The following GNB4 variants were observed in gnomAD, a reference collection of about 807,000 sequenced individuals.
The protein encoded by GNB4 is guanine nucleotide-binding protein subunit beta-4.
Under a neutral mutation model 45.2 loss-of-function variants are expected in GNB4, and 28 were observed. The ratio of observed to expected loss-of-function variants is 0.62; its 90% CI spans 0.46 to 0.85. The LOEUF (loss-of-function observed/expected upper bound fraction) is 0.85. Ranked by LOEUF, GNB4 falls within the 40% of genes least tolerant of loss-of-function variation. GNB4 has a pLI of 0.00. For synonymous variants in GNB4, 132 were observed against 143.7 expected (o/e 0.92, Z 0.58); for missense variants, 321 against 425.4 (o/e 0.75, Z 2.16).
At chr3:179,527,453 A>G in the GNB4 span, among the ~76,000 whole-genome samples, 2 of 152,196 alleles carry the variant, frequency 1.3e-5, no homozygotes, top group South Asian at 4.1e-4. Context: ...CTTAAATAAT[A>G]ATGATATTTA....
In GNB4 at chr3:179,431,973, A is replaced by G. The variant is rs376708142; in HGVS notation, c.-42-5731T>C. ...GCCCAAGTCCCTCCCTTAAAAAGAA[A>G]AAGAAAAAAGAAAAAATTCCTTGAC... On this transcript the variant is annotated intron_variant, in intron 1 of 9. Coordinates refer to ENST00000232564, the MANE Select transcript of GNB4 (RefSeq NM_021629.4). Among the ~76,000 whole-genome samples the G allele has an allele frequency of 6.6e-5, 10 of 152,346 alleles. No homozygotes were observed. In the East Asian group the frequency reaches 1.5e-3, roughly 23 times the overall value.
the GNB4 span, among the ~76,000 whole-genome samples, chr3:179,519,211 G>A: frequency 1.3e-5 from 2 of 152,236 alleles, no homozygotes; most frequent in South Asian, 2.1e-4. Flanking sequence ...TGTGCCATCT[G>A]TGTGGGACCC....
the GNB4 span, among the ~76,000 whole-genome samples, chr3:179,511,574 T>TA: frequency 6.6e-6 from 1 of 152,330 alleles, no homozygotes; most frequent in South Asian, 2.1e-4. Flanking sequence ...CTCTACCACT[T>TA]ACTGACTCAG....
the GNB4 span, among the ~76,000 whole-genome samples, chr3:179,516,403 T>A: frequency 6.6e-6 from 1 of 152,008 alleles, no homozygotes. Flanking sequence ...ACCCATCCAG[T>A]GAAAGTGTCT....
chr3:179,437,402 T>C (rs1715481151), intron 1 of GNB4, among the ~76,000 whole-genome samples: 1 of 150,612 alleles, frequency 6.6e-6, no homozygotes, highest in African/African-American at 2.4e-5. Context: ...CCATCTCTAC[T>C]AAAAATACAA....
intron 2 of GNB4, 73 bp downstream of exon 2, chr3:179,426,071 T>G (rs1304143893): frequency 8.4e-7 from 1 of 1,195,312 alleles, no homozygotes; most frequent in African/African-American, 1.5e-5. Flanking sequence ...TATAGACTGA[T>G]AAACTAATAG....
At chr3:179,471,313 T>C in the GNB4 span, among the ~76,000 whole-genome samples, 111,535 of 152,140 alleles carry the variant, frequency 0.73, 41,310 homozygotes, top group East Asian at 0.98. Flanking sequence ...TGTCCTAGGC[T>C]TTCACATTCA....
At chr3:179,495,649 GGGAA>G in the GNB4 span, among the ~76,000 whole-genome samples, 42 of 150,570 alleles carry the variant, frequency 2.8e-4, no homozygotes, top group South Asian at 8.4e-4. Flanking sequence ...CAGGGAGGGA[GGGAA>G]GGAAGGAAGG....
chr3:179,520,206 G>A, the GNB4 span, among the ~76,000 whole-genome samples: 2,131 of 139,874 alleles, frequency 0.015, 78 homozygotes, highest in Non-Finnish European at 0.022. Flanking sequence ...CAAATCACCT[G>A]GGCTGTACTG....
intron 2 of GNB4, among the ~76,000 whole-genome samples, chr3:179,421,589 G>A (rs1270608999): frequency 1.3e-5 from 2 of 152,156 alleles, no homozygotes; most frequent in Non-Finnish European, 2.9e-5. Context: ...CAGTGTTTAA[G>A]TACTTGCATA....
chr3:179,485,727 G>T, the GNB4 span, among the ~76,000 whole-genome samples: 6 of 151,560 alleles, frequency 4.0e-5, no homozygotes, highest in Non-Finnish European at 5.9e-5. Context: ...GCTTACTTGA[G>T]CTCAGGAGTT....
chr3:179,461,709 A>G, the GNB4 span, among the ~76,000 whole-genome samples: 4 of 152,200 alleles, frequency 2.6e-5, no homozygotes, highest in Non-Finnish European at 2.9e-5. Flanking sequence ...ACTAAAAACA[A>G]ATTTTTTTTT....
chr3:179,438,071 CA>C (rs112229065), intron 1 of GNB4, among the ~76,000 whole-genome samples: 13 of 149,820 alleles, frequency 8.7e-5, no homozygotes, highest in African/African-American at 3.2e-4. Context: ...GACCTCATCT[CA>C]AAAAAAAAGA....
intron 1 of GNB4, among the ~76,000 whole-genome samples, chr3:179,430,951 G>GT (rs1715294012): frequency 6.6e-6 from 1 of 151,814 alleles, no homozygotes; most frequent in African/African-American, 2.4e-5. Flanking sequence ...TTTATCTTTT[G>GT]TTTTTGCTGA....
the GNB4 span, among the ~76,000 whole-genome samples, chr3:179,483,053 A>G: frequency 1.3e-5 from 2 of 152,184 alleles, no homozygotes; most frequent in Admixed American, 1.3e-4. Flanking sequence ...CTCATATGTA[A>G]GAAGTCGTAG....
the GNB4 span, among the ~76,000 whole-genome samples, chr3:179,472,040 C>T: frequency 1.3e-5 from 2 of 151,970 alleles, no homozygotes; most frequent in East Asian, 3.9e-4. Flanking sequence ...GATATAGCCA[C>T]ATAATAGAGG....
chr3:179,433,833 G>C (rs1715374002), intron 1 of GNB4, among the ~76,000 whole-genome samples: 1 of 152,080 alleles, frequency 6.6e-6, no homozygotes, highest in Admixed American at 6.6e-5. Flanking sequence ...AATCCAACAG[G>C]AAAATGTGCA....
the GNB4 span, among the ~76,000 whole-genome samples, chr3:179,497,695 G>A: frequency 1.7e-5 from 2 of 114,810 alleles, no homozygotes; most frequent in Admixed American, 1.6e-4. Flanking sequence ...CAACTCAGTA[G>A]TTTAAAAAAA....
At chr3:179,470,712 T>C in the GNB4 span, among the ~76,000 whole-genome samples, 3 of 151,816 alleles carry the variant, frequency 2.0e-5, no homozygotes, top group African/African-American at 4.8e-5. Context: ...TCCAGCTAAT[T>C]TTTTGTAGTT....
Sources: allele counts gnomAD v4.1 joint callset (sites outside exome capture counted in the v4.1 genomes callset), GRCh38; gene constraint gnomAD v4.1.1; transcripts MANE v1.5; gene names NCBI Gene and HGNC (gene_info 2026-07-23, HGNC 2026-07-21).